Variants in TP53I13 observed in about 807,000 individuals in gnomAD.
TP53I13 encodes the protein tumor protein p53 inducible protein 13.
Under a neutral mutation model 39.1 loss-of-function variants are expected in TP53I13, and 27 were observed. The ratio of observed to expected loss-of-function variants is 0.69; its 90% CI spans 0.51 to 0.95. The LOEUF (loss-of-function observed/expected upper bound fraction) is 0.95. Among genes scored for constraint, TP53I13 ranks in the 40% least tolerant of loss-of-function variants. The pLI is 0.00. For synonymous variants in TP53I13, 230 were observed against 224.6 expected, an observed-to-expected ratio of 1.02 and a Z score of -0.22; for missense variants, 544 against 520.4, an observed-to-expected ratio of 1.05 and a Z score of -0.44.
In TP53I13 at chr17:29,568,714, C is replaced by T; in HGVS notation, c.-45C>T. 1 of 1,322,744 alleles carries T rather than the reference C, an allele frequency of 7.6e-7. No individual in the cohort carries two copies. The highest frequency in any genetic ancestry group is 9.7e-7 in the Non-Finnish European group (1 of 1,034,300). 81.9% of individuals were successfully genotyped at this position (1,322,744 alleles called of 1,614,324 possible). On this transcript the variant is annotated 5_prime_UTR_variant, in exon 1 of 7. Transcript: ENST00000301057. The surrounding 1 kb of genome is among the most constrained non-coding windows in gnomAD (Gnocchi z 4.5). ...GGGGCGGGGCGCGCGCGCTCCCTCG[C>T]TGGCGGAGCGGCTGGGCGGCGGGCC...
chr17:29,581,119 C>CA, the TP53I13 span: 1 of 587,520 alleles, frequency 1.7e-6, no homozygotes, highest in African/African-American at 1.9e-5. This position sits in a 1 kb window ranked among gnomAD's most constrained non-coding sequence, Gnocchi z 4.8. Flanking sequence ...ATGTACTTGA[C>CA]AGTCACGGGG....
chr17:29,575,614 A>G, downstream of TP53I13: 2 of 1,608,880 alleles, frequency 1.2e-6, no homozygotes, highest in Non-Finnish European at 8.5e-7. The surrounding 1 kb of genome is among the most constrained non-coding windows in gnomAD (Gnocchi z 5.5). Flanking sequence ...TGGACTGGAG[A>G]CCCAGGGAGC....
chr17:29,575,262 C>T (rs745668975), downstream of TP53I13: 12 of 1,594,662 alleles, frequency 7.5e-6, no homozygotes, highest in Non-Finnish European at 9.4e-6. This position sits in a 1 kb window ranked among gnomAD's most constrained non-coding sequence, Gnocchi z 5.5. Context: ...AACTGCATCC[C>T]CCTCACCTCC....
At chr17:29,578,835 A>T in the TP53I13 span, 2 of 1,580,980 alleles carry the variant, frequency 1.3e-6, no homozygotes, top group African/African-American at 1.3e-5. Flanking sequence ...AGAGGTGGCC[A>T]GGCCCATGCC....
downstream of TP53I13, among the ~76,000 whole-genome samples, chr17:29,578,098 G>A (rs1426742032): frequency 1.3e-5 from 2 of 152,152 alleles, no homozygotes; most frequent in African/African-American, 2.4e-5. Flanking sequence ...GCTGGGGGAG[G>A]AGCACGCTAG....
chr17:29,569,161 C>T (rs2032828264), intron 2 of TP53I13, 75 bp downstream of exon 2: 2 of 1,506,996 alleles, frequency 1.3e-6, no homozygotes, highest in East Asian at 2.4e-5. Context: ...TCGCCGCACC[C>T]TCCACAGTCA....
the TP53I13 span, chr17:29,578,764 T>C: frequency 6.2e-7 from 1 of 1,613,934 alleles, no homozygotes; most frequent in Non-Finnish European, 8.5e-7. Flanking sequence ...CTTTGGCCAA[T>C]TCGGATAAGT....
At chr17:29,577,602 G>T, downstream of TP53I13, 3 of 1,276,926 alleles carry the variant, frequency 2.3e-6, no homozygotes, top group Non-Finnish European at 3.4e-6. Context: ...GGGACCGCGG[G>T]GATGAAGTAG....
rs777214241 is a variant in TP53I13, at chr17:29,572,631, A to G, written c.1003A>G (p.Arg335Gly). 5.7e-6 allele frequency: 9 copies of G among 1,589,410 alleles called. No homozygotes were observed. The highest frequency in any genetic ancestry group is 3.4e-5 in the South Asian group (3 of 87,958). The part of the protein sequence containing the change: ...TLATLCTRLH[R>G]NFRRGESIYW... ...GGCCACGCTCTGCACACGGCTGCAC[A>G]GAAACTTCCGACGCGGGGAGAGCAT... The change falls in exon 6 of 7, where the codon AGA becomes GGA. Residue 335 changes from arginine (R) to glycine (G), a missense_variant. Arg to Gly is a moderately radical substitution (Grantham distance 125). Transcript: ENST00000301057.
At chr17:29,569,217 T>C in intron 2 of TP53I13, 101 bp from the exon 3 acceptor site, 1 of 1,501,020 alleles carries the variant, frequency 6.7e-7, no homozygotes, top group Non-Finnish European at 9.1e-7. Flanking sequence ...GTAGCCAACT[T>C]CTCCATCCCA....
downstream of TP53I13, chr17:29,573,542 A>G (rs2033064798): frequency 6.6e-6 from 1 of 152,568 alleles, no homozygotes; most frequent in African/African-American, 2.4e-5. Flanking sequence ...CCACCACCAC[A>G]CAGGTAGGGC....
At chr17:29,575,955 C>T, downstream of TP53I13, 1 of 1,524,180 alleles carries the variant, frequency 6.6e-7, no homozygotes, top group Admixed American at 1.7e-5. The surrounding 1 kb of genome is among the most constrained non-coding windows in gnomAD (Gnocchi z 5.5). Flanking sequence ...CCCCTGCTCA[C>T]CAGCAGTGCA....
chr17:29,579,134 A>C, the TP53I13 span: 13 of 691,990 alleles, frequency 1.9e-5, no homozygotes, highest in Non-Finnish European at 2.9e-5. Context: ...AATTCATCTC[A>C]CCGCGTCCCC....
At chr17:29,574,607 A>G, downstream of TP53I13, 2 of 1,054,724 alleles carry the variant, frequency 1.9e-6, no homozygotes, top group Non-Finnish European at 2.9e-6. Context: ...CACTTGTGCC[A>G]GTGGCTCTGT....
the TP53I13 span, chr17:29,578,333 C>T: frequency 6.2e-7 from 1 of 1,614,154 alleles, no homozygotes; most frequent in Non-Finnish European, 8.5e-7. Flanking sequence ...CCTCGTCATA[C>T]ACGTCCATGG....
At chr17:29,581,721 C>A in the TP53I13 span, 4 of 1,591,106 alleles carry the variant, frequency 2.5e-6, no homozygotes, top group Non-Finnish European at 2.6e-6. The surrounding 1 kb of genome is among the most constrained non-coding windows in gnomAD (Gnocchi z 4.8). Flanking sequence ...CACAGCCAGG[C>A]GCCCCCCAAG....
the TP53I13 span, chr17:29,582,039 G>A: frequency 1.2e-6 from 2 of 1,611,760 alleles, no homozygotes; most frequent in African/African-American, 1.3e-5. Flanking sequence ...GCCACGTGCA[G>A]AGGTGTGGTG....
downstream of TP53I13, chr17:29,577,376 T>A: frequency 1.3e-6 from 1 of 761,138 alleles, no homozygotes. Context: ...CCAGCCTAGC[T>A]TCACCTGGCT....
At chr17:29,580,776 CTTT>C in the TP53I13 span, among the ~76,000 whole-genome samples, 1 of 142,580 alleles carries the variant, frequency 7.0e-6, no homozygotes. Flanking sequence ...GTTTCTTTTT[CTTT>C]TTTTTTTTTT....
Sources: gnomAD v4.1 joint callset for allele counts (sites outside exome capture counted in the v4.1 genomes callset) on GRCh38, gnomAD v4.1.1 for gene constraint, Gnocchi (gnomAD v3.1) non-coding constraint, MANE v1.5 for transcripts, NCBI Gene and HGNC (gene_info 2026-07-23, HGNC 2026-07-21) for gene names.